The following ACCSL variants were observed in gnomAD, a reference collection of about 807,000 sequenced individuals.
ACCSL encodes probable inactive 1-aminocyclopropane-1-carboxylate synthase-like protein 2.
Under a neutral mutation model 61.7 loss-of-function variants are expected in ACCSL, and 55 were observed. That is an observed-to-expected ratio of 0.89 (90% CI 0.72 to 1.12). ACCSL has a LOEUF of 1.12. ACCSL is among the 50% of genes most tolerant of loss of function. The probability of loss-of-function intolerance (pLI) is 0.00; values close to 1 mark genes in which losing one functional copy is unlikely to be tolerated. For missense variants in ACCSL, 632 were observed against 698.0 expected (o/e 0.91, Z 1.07); for synonymous variants, 258 against 264.3 (o/e 0.98, Z 0.23).
chr11:44,032,918 C>T, the ACCSL span, among the ~76,000 whole-genome samples: 2 of 152,152 alleles, frequency 1.3e-5, no homozygotes, highest in Non-Finnish European at 1.5e-5. Context: ...CCGAGGGAGA[C>T]GCGGGTGGAG....
the ACCSL span, among the ~76,000 whole-genome samples, chr11:43,994,154 A>T: frequency 6.6e-6 from 1 of 152,240 alleles, no homozygotes; most frequent in African/African-American, 2.4e-5. Flanking sequence ...TTACATTTAA[A>T]GACAGTATTT....
At chr11:44,038,249 A>T in the ACCSL span, among the ~76,000 whole-genome samples, 1 of 152,068 alleles carries the variant, frequency 6.6e-6, no homozygotes, top group African/African-American at 2.4e-5. Flanking sequence ...CTTGAAGGAG[A>T]TGAGGGAGTG....
chr11:44,002,097 G>A, the ACCSL span, among the ~76,000 whole-genome samples: 1 of 151,990 alleles, frequency 6.6e-6, no homozygotes, highest in East Asian at 1.9e-4. Flanking sequence ...TGTGGACAAG[G>A]AGGGGGGAAG....
the ACCSL span, among the ~76,000 whole-genome samples, chr11:43,935,907 G>A: frequency 6.6e-6 from 1 of 152,146 alleles, no homozygotes; most frequent in Non-Finnish European, 1.5e-5. Flanking sequence ...GTGGCTGGGT[G>A]AGGCCATGTA....
the ACCSL span, among the ~76,000 whole-genome samples, chr11:43,934,313 GC>G: frequency 8.0e-4 from 122 of 152,146 alleles, no homozygotes; most frequent in African/African-American, 2.8e-3. Flanking sequence ...TGTGTGGAGG[GC>G]CCCCTGGGGG....
At chr11:43,962,971 A>G in the ACCSL span, among the ~76,000 whole-genome samples, 1 of 152,022 alleles carries the variant, frequency 6.6e-6, no homozygotes, top group African/African-American at 2.4e-5. Flanking sequence ...CCCAGGGACC[A>G]CTCTGTATTG....
chr11:43,953,582 T>A, the ACCSL span, among the ~76,000 whole-genome samples: 2 of 148,848 alleles, frequency 1.3e-5, no homozygotes, highest in African/African-American at 5.0e-5. Flanking sequence ...AAAACCAAGA[T>A]GGTGATGAAA....
chr11:44,023,436 G>A, the ACCSL span, among the ~76,000 whole-genome samples: 3 of 151,972 alleles, frequency 2.0e-5, no homozygotes, highest in Admixed American at 2.0e-4. Context: ...TAATCTTTTG[G>A]CGTATGTGGT....
the ACCSL span, among the ~76,000 whole-genome samples, chr11:43,991,935 A>T: frequency 6.6e-6 from 1 of 151,712 alleles, no homozygotes; most frequent in Non-Finnish European, 1.5e-5. Context: ...AACTTTGCAC[A>T]CACAGTTCTC....
chr11:44,024,636 T>A, the ACCSL span, among the ~76,000 whole-genome samples: 1 of 152,180 alleles, frequency 6.6e-6, no homozygotes, highest in Non-Finnish European at 1.5e-5. Context: ...ATGTTCCATG[T>A]GCACTTGAGA....
At chr11:43,982,320 C>T in the ACCSL span, among the ~76,000 whole-genome samples, 566 of 150,684 alleles carry the variant, frequency 3.8e-3, 1 homozygote, top group African/African-American at 0.013. Flanking sequence ...CTCCACCTCC[C>T]AGGTTCTAGC....
intron 5 of ACCSL, 94 bp downstream of exon 5, chr11:44,051,813 T>C (rs1952641464): frequency 1.4e-6 from 2 of 1,469,888 alleles, no homozygotes; most frequent in Non-Finnish European, 1.9e-6. Flanking sequence ...AAGAGCATCC[T>C]GACTCAAGGC....
intron 7 of ACCSL, 73 bp downstream of exon 7, chr11:44,053,141 A>T (rs1952650291): frequency 1.5e-6 from 2 of 1,366,572 alleles, no homozygotes; most frequent in South Asian, 2.4e-5. Flanking sequence ...AAATTCTGGT[A>T]CTGCTTATTC....
chr11:44,000,616 GC>G, the ACCSL span, among the ~76,000 whole-genome samples: 299 of 139,770 alleles, frequency 2.1e-3, 2 homozygotes, highest in African/African-American at 7.1e-3. Context: ...AATGCGCCCA[GC>G]CCCCTGTCTC....
upstream of ACCSL, among the ~76,000 whole-genome samples, chr11:44,045,631 G>A (rs1324494040): frequency 6.6e-6 from 1 of 152,114 alleles, no homozygotes; most frequent in South Asian, 2.1e-4. Flanking sequence ...CTTCCCTGCC[G>A]CATCCTGGTC....
chr11:44,014,427 A>G, the ACCSL span, among the ~76,000 whole-genome samples: 1 of 151,990 alleles, frequency 6.6e-6, no homozygotes, highest in African/African-American at 2.4e-5. Context: ...CCTGAGGGTC[A>G]TCATGACATC....
At chr11:43,978,442 G>A in the ACCSL span, among the ~76,000 whole-genome samples, 1 of 152,170 alleles carries the variant, frequency 6.6e-6, no homozygotes, top group Non-Finnish European at 1.5e-5. Context: ...ATTGCTACAT[G>A]TAAATTTACA....
At position 44,052,771 on chromosome 11, in the gene ACCSL, G is replaced by T; in HGVS notation, c.870+12G>T. 1.2e-6 allele frequency: 2 copies of T among 1,610,544 alleles called. No homozygotes were observed. Among genetic ancestry groups the T allele is most frequent in the South Asian group, 1.1e-5 (1 of 90,992 alleles). The stretch of plus-strand genomic sequence containing the variant: ...ACCTGGAGAGTGAGGTCTGAATGGG[G>T]CCCCTTCCCTGCTCAGTATGCCTAG... On this transcript the variant is annotated intron_variant, in intron 6 of 13. Coordinates refer to ENST00000378832, the MANE Select transcript of ACCSL (RefSeq NM_001031854.2).
the ACCSL span, among the ~76,000 whole-genome samples, chr11:44,011,545 C>G: frequency 1.3e-5 from 2 of 152,196 alleles, no homozygotes; most frequent in Non-Finnish European, 2.9e-5. Flanking sequence ...TCTCCCTATC[C>G]TGATCTGTGA....
Sources: gnomAD v4.1 joint callset for allele counts (sites outside exome capture counted in the v4.1 genomes callset) on GRCh38, gnomAD v4.1.1 for gene constraint, MANE v1.5 for transcripts, NCBI Gene and HGNC (gene_info 2026-07-23, HGNC 2026-07-21) for gene names.